Variants in TMEM53 observed in about 807,000 individuals in gnomAD.
TMEM53 encodes novel DUF829 domain-containing protein.
In TMEM53, 14 loss-of-function variants were observed where a neutral mutation model predicts 21.4. The ratio of observed to expected loss-of-function variants is 0.65; its 90% CI spans 0.43 to 1.02. TMEM53 has a LOEUF of 1.02. TMEM53 is among the 50% of genes least tolerant of loss of function. TMEM53 has a pLI of 0.00. For missense variants in TMEM53, 323 were observed against 383.6 expected (o/e 0.84, Z 1.32); for synonymous variants, 148 against 157.4 (o/e 0.94, Z 0.45).
intron 1 of TMEM53, among the ~76,000 whole-genome samples, chr1:44,665,095 C>T (rs752322838): frequency 2.6e-5 from 4 of 152,048 alleles, no homozygotes; most frequent in Non-Finnish European, 4.4e-5. Flanking sequence ...CACCACCCCC[C>T]ACCCCAAACC....
chr1:44,661,067 A>C (rs1230898166), intron 1 of TMEM53, among the ~76,000 whole-genome samples: 1 of 152,212 alleles, frequency 6.6e-6, no homozygotes, highest in African/African-American at 2.4e-5. Context: ...TTATTGGAAC[A>C]TGCCACACTT....
chr1:44,663,037 T>G (rs1158022833), intron 1 of TMEM53, among the ~76,000 whole-genome samples: 1 of 152,176 alleles, frequency 6.6e-6, no homozygotes, highest in Non-Finnish European at 1.5e-5. Flanking sequence ...GCCCAAGCTT[T>G]CTGTAATATT....
At chr1:44,668,336 G>T (rs894958297) in intron 1 of TMEM53, among the ~76,000 whole-genome samples, 1 of 152,038 alleles carries the variant, frequency 6.6e-6, no homozygotes, top group African/African-American at 2.4e-5. Context: ...AGCTACTCCG[G>T]AGGCTGAGGC....
chr1:44,654,919 C>T lies in TMEM53; in HGVS notation c.474G>A (p.Leu158=), dbSNP rs372599498. The T allele has an allele frequency of 6.2e-7, 1 of 1,613,156 alleles. No homozygotes were observed. Among genetic ancestry groups the T allele is most frequent in the African/African-American group, 1.3e-5 (1 of 75,048 alleles). ...CGGCCCGGCGCTCCAGGATGGCTGC[C>T]AGGGCCCGCAGAGCCCCTACCAGGT... ...DSNLVGALRA[L]AAILERRAAM... Residue 158 remains leucine (L), a synonymous_variant, in exon 3 of 3, where the codon CTG becomes CTA. Transcript: ENST00000372237. This position sits in a 1 kb window ranked among gnomAD's most constrained non-coding sequence, Gnocchi z 7.0.
chr1:44,662,985 C>T (rs909422845), intron 1 of TMEM53, among the ~76,000 whole-genome samples: 4 of 152,208 alleles, frequency 2.6e-5, no homozygotes, highest in Non-Finnish European at 5.9e-5. Context: ...GCGAAGAAAC[C>T]CTCAGAATTC....
rs541758312 is a variant in TMEM53, at chr1:44,663,571, T to G, written c.62-3276A>C. 5.9e-5 allele frequency among the ~76,000 whole-genome samples: 9 copies of G among 152,304 alleles called. No individual in the cohort carries two copies. In the South Asian group the frequency reaches 1.9e-3, roughly 32 times the overall value. ...CATTGCTATGGCTATTGTTATTCAT[T>G]GCCACATCAGGATCATGATTCTTCC... On this transcript the variant is annotated intron_variant, in intron 1 of 2. Coordinates refer to ENST00000372237, the MANE Select transcript of TMEM53 (RefSeq NM_024587.4).
chr1:44,664,361 G>T (rs1423645652), intron 1 of TMEM53, among the ~76,000 whole-genome samples: 4 of 150,970 alleles, frequency 2.6e-5, no homozygotes, highest in Non-Finnish European at 4.4e-5. Flanking sequence ...TGAGGCAGGA[G>T]AATCGCTTGA....
intron 2 of TMEM53, among the ~76,000 whole-genome samples, chr1:44,659,124 C>T (rs1476455862): frequency 2.0e-5 from 3 of 152,160 alleles, no homozygotes; most frequent in East Asian, 1.9e-4. Flanking sequence ...CCTCGGAGGT[C>T]GGGGAGAGAC....
intron 1 of TMEM53, among the ~76,000 whole-genome samples, chr1:44,670,845 A>G (rs1398971568): frequency 6.6e-6 from 1 of 152,212 alleles, no homozygotes; most frequent in Non-Finnish European, 1.5e-5. Context: ...TTTACTGAAC[A>G]TGAGAGCCAC....
chr1:44,667,122 C>T (rs1644955229), intron 1 of TMEM53, among the ~76,000 whole-genome samples: 1 of 152,156 alleles, frequency 6.6e-6, no homozygotes, highest in Non-Finnish European at 1.5e-5. Context: ...GGATTACAGG[C>T]ATGAGCCACC....
chr1:44,674,453 C>T lies in TMEM53; in HGVS notation c.-62G>A, dbSNP rs1557503061. 2 of 1,538,432 alleles carry T rather than the reference C, an allele frequency of 1.3e-6. No homozygotes were observed. Among genetic ancestry groups the T allele is most frequent in the East Asian group, 2.3e-5 (1 of 42,822 alleles). On this transcript the variant is annotated 5_prime_UTR_variant, in exon 1 of 3. Transcript: ENST00000372237. ...GGAACTCCCGCTTGCGCACCCGTGC[C>T]TCACCCGGGCGCCTCCTGGGCGCCG...
rs1365837925 is a variant in TMEM53, at chr1:44,654,539, G to A, written c.*20C>T. ...GTCAGGCATTTATTTCTGGAGCAGA[G>A]GTGAGATGGAGCAATGGCCTCAGCA... is the stretch of plus-strand genomic sequence containing the variant. On this transcript the variant is annotated 3_prime_UTR_variant, in exon 3 of 3. Transcript: ENST00000372237. The surrounding 1 kb of genome is among the most constrained non-coding windows in gnomAD (Gnocchi z 7.0). The A allele has an allele frequency of 1.4e-5, 23 of 1,593,528 alleles. No homozygotes were observed. Among genetic ancestry groups the A allele is most frequent in the South Asian group, 3.4e-5 (3 of 89,256 alleles).
chr1:44,665,515 A>G (rs1644941446), intron 1 of TMEM53, among the ~76,000 whole-genome samples: 1 of 152,074 alleles, frequency 6.6e-6, no homozygotes. Context: ...GGGGGCCTGT[A>G]ATCCCAGCTA....
chr1:44,661,011 G>A (rs1349164103), intron 1 of TMEM53, among the ~76,000 whole-genome samples: 8 of 151,498 alleles, frequency 5.3e-5, no homozygotes, highest in South Asian at 2.1e-4. Flanking sequence ...TTTGTGACAC[G>A]TGAAAATTAT....
chr1:44,668,387 C>T (rs112104879), intron 1 of TMEM53, among the ~76,000 whole-genome samples: 16,061 of 151,998 alleles, frequency 0.11, 1,097 homozygotes, highest in Middle Eastern at 0.17. Context: ...CGCACCACTG[C>T]ACTCCAGCCT....
At chr1:44,660,937 C>T (rs1644895948) in intron 1 of TMEM53, among the ~76,000 whole-genome samples, 1 of 148,824 alleles carries the variant, frequency 6.7e-6, no homozygotes, top group Non-Finnish European at 1.5e-5. Context: ...TGAGCCACTG[C>T]ACTCCAGCCT....
chr1:44,659,190 A>G (rs1168769758), intron 2 of TMEM53, among the ~76,000 whole-genome samples: 1 of 152,090 alleles, frequency 6.6e-6, no homozygotes, highest in Non-Finnish European at 1.5e-5. Context: ...GGGCCACCAC[A>G]CACCTCAGTC....
At chr1:44,671,283 G>C (rs1644998081) in intron 1 of TMEM53, among the ~76,000 whole-genome samples, 1 of 152,230 alleles carries the variant, frequency 6.6e-6, no homozygotes, top group Non-Finnish European at 1.5e-5. Flanking sequence ...CAGCCAATAG[G>C]TACTGGCTGG....
In TMEM53 at chr1:44,674,431, A is replaced by T; in HGVS notation, c.-40T>A. 6.3e-7 allele frequency: 1 copy of T among 1,584,692 alleles called. No homozygotes were observed. Among genetic ancestry groups the T allele is most frequent in the Non-Finnish European group, 8.6e-7 (1 of 1,165,766 alleles). On this transcript the variant is annotated 5_prime_UTR_variant, in exon 1 of 3. Coordinates refer to ENST00000372237, the MANE Select transcript of TMEM53 (RefSeq NM_024587.4). ...CCCAGAGCACGGGTCTCCAGCCGGA[A>T]CTCCCGCTTGCGCACCCGTGCCTCA...
Sources: allele counts gnomAD v4.1 joint callset (sites outside exome capture counted in the v4.1 genomes callset), GRCh38; gene constraint gnomAD v4.1.1; non-coding constraint Gnocchi (gnomAD v3.1); transcripts MANE v1.5; gene names NCBI Gene and HGNC (gene_info 2026-07-23, HGNC 2026-07-21).